MTSS1: variants seen among roughly 807,000 people sequenced by gnomAD.
MTSS1 encodes the protein protein MTSS 1.
Under a neutral mutation model 79.0 loss-of-function variants are expected in MTSS1, and 18 were observed. The ratio of observed to expected loss-of-function variants is 0.23; its 90% CI spans 0.16 to 0.34. MTSS1 has a LOEUF of 0.34. Ranked by LOEUF, MTSS1 falls within the 10% of genes least tolerant of loss-of-function variation. The pLI, the probability that MTSS1 is intolerant of heterozygous loss-of-function variation, is 1.00. For missense variants in MTSS1, 815 were observed against 986.2 expected, an observed-to-expected ratio of 0.83 and a Z score of 2.33; for synonymous variants, 341 against 368.6, an observed-to-expected ratio of 0.93 and a Z score of 0.86.
At chr8:124,607,606 C>T (rs988499364) in intron 3 of MTSS1, among the ~76,000 whole-genome samples, 1 of 152,150 alleles carries the variant, frequency 6.6e-6, no homozygotes, top group African/African-American at 2.4e-5. Flanking sequence ...CCAAAGTGCC[C>T]TTGAGTCCCT....
At chr8:124,720,661 C>A (rs1347318105) in intron 1 of MTSS1, among the ~76,000 whole-genome samples, 1 of 152,228 alleles carries the variant, frequency 6.6e-6, no homozygotes, top group African/African-American at 2.4e-5. Context: ...AAAAACTCAA[C>A]TTCTCCATTT....
chr8:124,719,868 A>T (rs778465703), intron 1 of MTSS1, among the ~76,000 whole-genome samples: 1 of 152,154 alleles, frequency 6.6e-6, no homozygotes, highest in African/African-American at 2.4e-5. Context: ...ATACTCAACA[A>T]CTTTAAGAGG....
chr8:124,603,625 A>G (rs1834303500), intron 3 of MTSS1, among the ~76,000 whole-genome samples: 1 of 152,176 alleles, frequency 6.6e-6, no homozygotes, highest in Non-Finnish European at 1.5e-5. Flanking sequence ...TTGATGCCCT[A>G]CATTTGTTTA....
intron 3 of MTSS1, among the ~76,000 whole-genome samples, chr8:124,666,537 G>C (rs1425794700): frequency 2.0e-5 from 3 of 151,996 alleles, no homozygotes; most frequent in Non-Finnish European, 4.4e-5. Flanking sequence ...TCTAGCATGG[G>C]CATCCGGCTA....
intron 6 of MTSS1, 77 bp from the exon 7 acceptor site, chr8:124,568,613 C>T: frequency 6.3e-7 from 1 of 1,596,288 alleles, no homozygotes; most frequent in Admixed American, 1.7e-5. Context: ...CCCTGGGGTC[C>T]TTGCTGGAGT....
chr8:124,682,983 T>C (rs529075016), intron 3 of MTSS1, among the ~76,000 whole-genome samples: 8 of 152,286 alleles, frequency 5.3e-5, no homozygotes, highest in Admixed American at 1.3e-4. Flanking sequence ...AGCTGACAAA[T>C]GGTCATCCCA....
intron 3 of MTSS1, among the ~76,000 whole-genome samples, chr8:124,678,612 C>T (rs1825675875): frequency 6.6e-6 from 1 of 152,184 alleles, no homozygotes; most frequent in South Asian, 2.1e-4. Flanking sequence ...ATCACAAGAA[C>T]AGCACAGGAA....
chr8:124,580,852 G>C (rs1188844023), intron 6 of MTSS1, among the ~76,000 whole-genome samples: 1 of 151,994 alleles, frequency 6.6e-6, no homozygotes, highest in Admixed American at 6.6e-5. Flanking sequence ...GAGAGATGAA[G>C]AATATATACC....
intron 5 of MTSS1, among the ~76,000 whole-genome samples, chr8:124,588,759 G>C (rs1263756640): frequency 2.0e-5 from 3 of 152,230 alleles, no homozygotes; most frequent in Non-Finnish European, 4.4e-5. Context: ...CTGTCACCCA[G>C]GCTGGAGTGC....
At chr8:124,666,454 G>A (rs1278163272) in intron 3 of MTSS1, among the ~76,000 whole-genome samples, 2 of 152,134 alleles carry the variant, frequency 1.3e-5, no homozygotes, top group Non-Finnish European at 2.9e-5. Flanking sequence ...TGGAAACACA[G>A]GAACAAAGAC....
chr8:124,667,506 T>C (rs556107915), intron 3 of MTSS1, among the ~76,000 whole-genome samples: 12 of 152,146 alleles, frequency 7.9e-5, no homozygotes, highest in Non-Finnish European at 1.5e-4. Flanking sequence ...TAGCCGGGCA[T>C]GGTGGTGCAT....
chr8:124,565,626 G>A (rs369738200), intron 9 of MTSS1, 36 bp downstream of exon 9: 183 of 1,562,474 alleles, frequency 1.2e-4, no homozygotes, highest in African/African-American at 3.0e-4. Flanking sequence ...AAAATGACCC[G>A]TCCTGAAAGC....
At position 124,553,440 on chromosome 8, in the gene MTSS1, C is replaced by T; in HGVS notation, c.1820G>A (p.Gly607Asp). 6.2e-7 allele frequency: 1 copy of T among 1,607,674 alleles called. No individual in the cohort carries two copies. Among genetic ancestry groups the T allele is most frequent in the Non-Finnish European group, 8.5e-7 (1 of 1,175,848 alleles). ...CACGGGTGTCTTGATGGGGATGGGACCAGCTCCAATGGTTCCCCGGCGGAC... is the reference window on the plus strand; with the variant it reads ...CACGGGTGTCTTGATGGGGATGGGATCAGCTCCAATGGTTCCCCGGCGGAC... ...PSVRRGTIGAGPIPIKTPVIP... is the reference protein window; with the variant it reads ...PSVRRGTIGADPIPIKTPVIP... The change falls in exon 14 of 14, where the codon GGT (glycine) becomes GAT (aspartate). Residue 607 changes from glycine (G) to aspartate (D), a missense_variant. Physicochemically the swap from Gly to Asp is moderately conservative, Grantham distance 94. Transcript: ENST00000518547. The surrounding 1 kb of genome is among the most constrained non-coding windows in gnomAD (Gnocchi z 6.0).
rs1410442973 is a variant in MTSS1 at position 124,691,634 on chromosome 8, G to A, written c.208+7892C>T. Among the ~76,000 whole-genome samples, 8 of 152,096 alleles carry A rather than the reference G, an allele frequency of 5.3e-5. No individual in the cohort carries two copies. In the East Asian group the frequency reaches 1.5e-3, roughly 29 times the overall value. ...AGGTTCAAGTGATTCTCCTGTCTCA[G>A]CCTCCCAAGTAGCTGGGACTACAGA... On this transcript the variant is annotated intron_variant, in intron 3 of 13. Transcript: ENST00000518547.
At chr8:124,705,250 A>G (rs1830229396) in intron 1 of MTSS1, among the ~76,000 whole-genome samples, 1 of 152,138 alleles carries the variant, frequency 6.6e-6, no homozygotes, top group South Asian at 2.1e-4. Context: ...GTGGGCAGAC[A>G]TCTTGAGGCC....
At chr8:124,715,456 C>G (rs763511150) in intron 1 of MTSS1, among the ~76,000 whole-genome samples, 1 of 151,954 alleles carries the variant, frequency 6.6e-6, no homozygotes, top group Non-Finnish European at 1.5e-5. Flanking sequence ...GCATGATGAA[C>G]TTGTCACATC....
intron 1 of MTSS1, among the ~76,000 whole-genome samples, chr8:124,715,182 G>A (rs1831751644): frequency 6.6e-6 from 1 of 152,074 alleles, no homozygotes; most frequent in Non-Finnish European, 1.5e-5. Flanking sequence ...TGCATTTTAG[G>A]GATTAGTTCC....
intron 3 of MTSS1, among the ~76,000 whole-genome samples, chr8:124,695,879 TC>T (rs1564012030): frequency 1.3e-5 from 2 of 151,492 alleles, no homozygotes; most frequent in Non-Finnish European, 2.9e-5. Flanking sequence ...TTTTTTTTTT[TC>T]CTCCCAGCAT....
intron 3 of MTSS1, among the ~76,000 whole-genome samples, chr8:124,684,247 T>C (rs1317978958): frequency 1.3e-5 from 2 of 152,358 alleles, no homozygotes; most frequent in East Asian, 3.9e-4. Flanking sequence ...GCTGGGTTAC[T>C]GGCATGAGGA....
Sources: gnomAD v4.1 joint callset for allele counts (sites outside exome capture counted in the v4.1 genomes callset) on GRCh38, gnomAD v4.1.1 for gene constraint, Gnocchi (gnomAD v3.1) non-coding constraint, MANE v1.5 for transcripts, NCBI Gene and HGNC (gene_info 2026-07-23, HGNC 2026-07-21) for gene names.